FLG2: variants seen among roughly 807,000 people sequenced by gnomAD.
The protein encoded by FLG2 is filaggrin-2.
Under a neutral mutation model 3.9 loss-of-function variants are expected in FLG2, and 7 were observed. The ratio of observed to expected loss-of-function variants is 1.79; its 90% CI spans 1.02 to 3.36. The LOEUF (loss-of-function observed/expected upper bound fraction) is 3.36. FLG2 is among the 30% of genes most tolerant of loss of function. The probability of loss-of-function intolerance (pLI) is 0.00; values close to 1 mark genes in which losing one functional copy is unlikely to be tolerated. For missense variants in FLG2, 2,700 were observed against 2,809.4 expected (o/e 0.96, Z 0.88); for synonymous variants, 1,031 against 1,056.1 (o/e 0.98, Z 0.46).
Position 152,352,340 on chromosome 1 carries a change from A to G in FLG2, c.5446T>C (p.Ser1816Pro), listed in dbSNP as rs1420694699. The G allele has an allele frequency of 6.2e-7, 1 of 1,611,954 alleles. No individual in the cohort carries two copies. Among genetic ancestry groups the G allele is most frequent in the Non-Finnish European group, 8.5e-7 (1 of 1,179,598 alleles). Residue 1816 changes from serine (S) to proline (P), a missense_variant, in exon 3 of 3, where the codon TCA (serine) becomes CCA (proline). Transcript: ENST00000388718. Reference protein sequence around the residue: ...YSDSEGHSGFSQRPHSRGHTH... With the variant: ...YSDSEGHSGFPQRPHSRGHTH... ...TGTCCTCGTGAGTGTGGTCTTTGTG[A>G]GAACCCTGAGTGCCCTTCACTGTCA...
At position 152,354,936 on chromosome 1, in the gene FLG2, T is replaced by C. The variant is rs1238054485; in HGVS notation, c.2850A>G (p.Gln950=). 6 of 1,613,160 alleles carry C rather than the reference T, an allele frequency of 3.7e-6. No homozygotes were observed. The highest frequency in any genetic ancestry group is 4.2e-6 in the Non-Finnish European group (5 of 1,179,826). ...SSSGQTFGFG[Q]HRSGSGQSSG... The stretch of plus-strand genomic sequence containing the variant: ...AGGATTGACCTGAGCCTGACCTGTG[T>C]TGTCCAAATCCAAAAGTCTGTCCTG... Residue 950 remains glutamine, a synonymous_variant, in exon 3 of 3, where the codon CAA becomes CAG. Coordinates refer to ENST00000388718, the MANE Select transcript of FLG2 (RefSeq NM_001014342.3).
In FLG2 at chr1:152,353,902, T is replaced by G; in HGVS notation, c.3884A>C (p.Gln1295Pro). Residue 1295 changes from glutamine (Q) to proline (P), a missense_variant, in exon 3 of 3, where the codon CAA becomes CCA. Physicochemically the swap from Gln to Pro is moderately conservative, Grantham distance 76 (BLOSUM62 -1). Coordinates refer to ENST00000388718, the MANE Select transcript of FLG2 (RefSeq NM_001014342.3). ...SHRHSEHIHT[Q>P]AGSHYPKSGS... The stretch of plus-strand genomic sequence containing the variant: ...TGACTTTGGGTAGTGAGATCCAGCT[T>G]GTGTGTGAATGTGTTCTGAATGTCT... 1 of 1,614,176 alleles carries G rather than the reference T, an allele frequency of 6.2e-7. No individual in the cohort carries two copies.
intron 2 of FLG2, among the ~76,000 whole-genome samples, chr1:152,358,530 C>T (rs747962002): frequency 3.9e-5 from 6 of 152,114 alleles, no homozygotes; most frequent in Non-Finnish European, 2.9e-5. Flanking sequence ...GTCTGAGAGT[C>T]TATGAGGTAG....
In FLG2 at chr1:152,355,658, C is replaced by A; in HGVS notation, c.2128G>T (p.Gly710Trp). 1 of 1,613,724 alleles carries A rather than the reference C, an allele frequency of 6.2e-7. No individual in the cohort carries two copies. Among genetic ancestry groups the A allele is most frequent in the East Asian group, 2.2e-5 (1 of 44,842 alleles). The change falls in exon 3 of 3, where the codon GGG (glycine) becomes TGG (tryptophan). Residue 710 changes from glycine (G) to tryptophan (W), a missense_variant. Gly to Trp is a radical substitution (Grantham distance 184). Transcript: ENST00000388718. Reference protein sequence around the residue: ...SSQSSGYGQHGSSSGQTSGFG... With the variant: ...SSQSSGYGQHWSSSGQTSGFG... ...CCAGATGTCTGTCCTGAACTTGACCCATGTTGACCATAGCCAGATGATTGA... is the reference window on the plus strand; with the variant it reads ...CCAGATGTCTGTCCTGAACTTGACCAATGTTGACCATAGCCAGATGATTGA...
In FLG2 at chr1:152,357,134, C is replaced by G; in HGVS notation, c.652G>C (p.Glu218Gln). 6.2e-7 allele frequency: 1 copy of G among 1,614,160 alleles called. No homozygotes were observed. The highest frequency in any genetic ancestry group is 8.5e-7 in the Non-Finnish European group (1 of 1,180,016). ...INKSHISPSR[E>Q]SGEEYESGSG... ...CCAGATTCATACTCCTCCCCAGATT[C>G]CCTAGAAGGGCTAATGTGTGACTTG... The change falls in exon 3 of 3, where the codon GAA becomes CAA. Residue 218 changes from glutamate (E) to glutamine (Q), a missense_variant. Physicochemically the swap from Glu to Gln is conservative, Grantham distance 29. Coordinates refer to ENST00000388718, the MANE Select transcript of FLG2 (RefSeq NM_001014342.3).
chr1:152,352,570 C>T lies in FLG2; in HGVS notation c.5216G>A (p.Gly1739Glu), dbSNP rs1266734223. 1.2e-6 allele frequency: 2 copies of T among 1,613,584 alleles called. No homozygotes were observed. Among genetic ancestry groups the T allele is most frequent in the Non-Finnish European group, 1.7e-6 (2 of 1,179,916 alleles). Residue 1739 changes from glycine (G) to glutamate (E), a missense_variant, in exon 3 of 3, where the codon GGA becomes GAA. By Grantham distance (98) the Gly-to-Glu change is moderately conservative. Coordinates refer to ENST00000388718, the MANE Select transcript of FLG2 (RefSeq NM_001014342.3). ...GTGTCCTGAATGTGTATGTGAGACT[C>T]CTGAGTACCCTTCACTGTCACTGTA... ...SEYSDSEGYS[G>E]VSHTHSGHTH...
At position 152,357,316 on chromosome 1, in the gene FLG2, G is replaced by C. The variant is rs1654280823; in HGVS notation, c.470C>G (p.Ser157Cys). The stretch of plus-strand genomic sequence containing the variant: ...TTGTCTTCCTAGCCTCCTGGAGTTG[G>C]ACCCATGTCTACATTTCACAGTTCC... ...SRGTVKCRHG[S>C]NSRRLGRQGN... is the part of the protein sequence containing the mutation. Residue 157 changes from serine to cysteine, a missense_variant, in exon 3 of 3, where the codon TCC becomes TGC. Coordinates refer to ENST00000388718, the MANE Select transcript of FLG2 (RefSeq NM_001014342.3). 3 of 1,613,988 alleles carry C rather than the reference G, an allele frequency of 1.9e-6. No homozygotes were observed. Among genetic ancestry groups the C allele is most frequent in the African/African-American group, 1.3e-5 (1 of 74,898 alleles).
rs1654197369 is a variant in FLG2 at position 152,355,800 on chromosome 1, T to G, written c.1986A>C (p.Ser662=). 6.2e-7 allele frequency: 1 copy of G among 1,613,474 alleles called. No individual in the cohort carries two copies. Among genetic ancestry groups the G allele is most frequent in the Non-Finnish European group, 8.5e-7 (1 of 1,179,914 alleles). The change falls in exon 3 of 3, where the codon TCA becomes TCC. Residue 662 remains serine, a synonymous_variant. Transcript: ENST00000388718. ...STGFGQYGSG[S]GQSSGFGQHV... The stretch of plus-strand genomic sequence containing the variant: ...GTTGTCCAAAGCCAGAGGACTGACC[T>G]GAGCCTGATCCATATTGGCCAAAGC...
In FLG2 at chr1:152,356,482, C is replaced by A. The variant is rs188678055; in HGVS notation, c.1304G>T (p.Gly435Val). Residue 435 changes from glycine (G) to valine (V), a missense_variant, in exon 3 of 3, where the codon GGC (glycine) becomes GTC (valine). By Grantham distance (109) the Gly-to-Val change is moderately radical. Coordinates refer to ENST00000388718, the MANE Select transcript of FLG2 (RefSeq NM_001014342.3). ...TTCGAACCCAGAGGACTGACTCAAG[C>A]CTGTTCCATGTTGTTCAAAGCTAGT... ...QSTSFEQHGT[G>V]LSQSSGFEQH... 4 of 1,614,264 alleles carry A rather than the reference C, an allele frequency of 2.5e-6. No homozygotes were observed. Among genetic ancestry groups the A allele is most frequent in the East Asian group, 4.5e-5 (2 of 44,890 alleles).
At position 152,351,621 on chromosome 1, in the gene FLG2, T is replaced by A. The variant is rs1407477891; in HGVS notation, c.6165A>T (p.Gly2055=). ...THSGHAHGQA[G]SQHGESGSSV... is the part of the protein sequence containing the mutation. ...AGGATCCTGACTCTCCATGTTGAGA[T>A]CCGGCTTGGCCATGAGCGTGTCCTG... Residue 2055 remains glycine (G), a synonymous_variant, in exon 3 of 3, where the codon GGA becomes GGT. Transcript: ENST00000388718. 1 of 1,610,852 alleles carries A rather than the reference T, an allele frequency of 6.2e-7. No homozygotes were observed. Among genetic ancestry groups the A allele is most frequent in the Admixed American group, 1.7e-5 (1 of 59,572 alleles).
intron 2 of FLG2, 30 bp from the exon 3 acceptor site, chr1:152,357,677 CT>C: frequency 6.6e-7 from 1 of 1,526,404 alleles, no homozygotes; most frequent in Non-Finnish European, 9.0e-7. Context: ...CAAGGGAGAC[CT>C]GGTCAGCCTA....
chr1:152,357,361 T>C lies in FLG2; in HGVS notation c.425A>G (p.Tyr142Cys), dbSNP rs1239778233. The change falls in exon 3 of 3, where the codon TAT becomes TGT. Residue 142 changes from tyrosine to cysteine, a missense_variant. Physicochemically the swap from Tyr to Cys is radical, Grantham distance 194. Coordinates refer to ENST00000388718, the MANE Select transcript of FLG2 (RefSeq NM_001014342.3). ...SSWSEGEEHG[Y>C]SSGHSRGTVK... Reference sequence around the variant, plus strand: ...AGTTCCCCTTGAGTGCCCAGAACTATATCCATGCTCCTCTCCCTCACTCCA... The same window carrying C: ...AGTTCCCCTTGAGTGCCCAGAACTACATCCATGCTCCTCTCCCTCACTCCA... 2.5e-6 allele frequency: 4 copies of C among 1,614,082 alleles called. No homozygotes were observed. Among genetic ancestry groups the C allele is most frequent in the African/African-American group, 2.7e-5 (2 of 74,928 alleles).
chr1:152,355,145 A>G lies in FLG2; in HGVS notation c.2641T>C (p.Tyr881His), dbSNP rs749448210. ...FGQHRSSSGQYSGFGQHGSGS... is the reference protein window; with the variant it reads ...FGQHRSSSGQHSGFGQHGSGS... ...GATCCATGTTGTCCAAAGCCAGAGT[A>G]TTGACCTGAGCTTGACCTGTGTTGT... The change falls in exon 3 of 3, where the codon TAC (tyrosine) becomes CAC (histidine). Residue 881 changes from tyrosine to histidine, a missense_variant. Tyr to His is a moderately conservative substitution (Grantham distance 83, BLOSUM62 2). Coordinates refer to ENST00000388718, the MANE Select transcript of FLG2 (RefSeq NM_001014342.3). 6.6e-5 allele frequency: 102 copies of G among 1,554,378 alleles called. 25 individuals carry two copies. The South Asian group carries it at 1.2e-3, about 18-fold the overall frequency.
chr1:152,356,307 T>A lies in FLG2; in HGVS notation c.1479A>T (p.Gly493=), dbSNP rs1654229750. The A allele has an allele frequency of 1.9e-6, 3 of 1,613,354 alleles. No homozygotes were observed. In the African/African-American group the frequency reaches 4.0e-5, roughly 22 times the overall value. ...ACTGACCTGAGCCTGACCCACATTG[T>A]CCAAAGCCAGAGGACTGACCTGAGC... ...GSGSGQSSGF[G]QCGSGSGQSS... The change falls in exon 3 of 3, where the codon GGA becomes GGT. Residue 493 remains glycine (G), a synonymous_variant. Coordinates refer to ENST00000388718, the MANE Select transcript of FLG2 (RefSeq NM_001014342.3).
In FLG2 at chr1:152,356,725, C is replaced by T. The variant is rs778614508; in HGVS notation, c.1061G>A (p.Gly354Glu). 25 of 1,614,082 alleles carry T rather than the reference C, an allele frequency of 1.5e-5. No homozygotes were observed. The highest frequency in any genetic ancestry group is 2.1e-5 in the Non-Finnish European group (25 of 1,180,040). The part of the protein sequence containing the change: ...NPCSQSYSQR[G>E]YGARENGQPQ... ...TTGACCATTTTCTCTAGCTCCATATCCTCTCTGACTATAGGACTGACTACA... is the reference window on the plus strand; with the variant it reads ...TTGACCATTTTCTCTAGCTCCATATTCTCTCTGACTATAGGACTGACTACA... The change falls in exon 3 of 3, where the codon GGA (glycine) becomes GAA (glutamate). Residue 354 changes from glycine to glutamate, a missense_variant. Transcript: ENST00000388718.
chr1:152,358,417 T>C (rs1654328810), intron 2 of FLG2, among the ~76,000 whole-genome samples: 1 of 152,168 alleles, frequency 6.6e-6, no homozygotes, highest in Non-Finnish European at 1.5e-5. Context: ...TGATTTCCCT[T>C]TCTATACTTT....
intron 2 of FLG2, among the ~76,000 whole-genome samples, chr1:152,358,313 G>A (rs774657708): frequency 1.2e-4 from 18 of 152,092 alleles, no homozygotes; most frequent in African/African-American, 1.7e-4. Flanking sequence ...GAGCCACCGC[G>A]CCTAGCTGAG....
rs759702788 is a variant in FLG2 at position 152,355,155 on chromosome 1, G to A, written c.2631C>T (p.Ser877=). 3 of 1,554,456 alleles carry A rather than the reference G, an allele frequency of 1.9e-6. No individual in the cohort carries two copies. Among genetic ancestry groups the A allele is most frequent in the African/African-American group, 2.7e-5 (2 of 74,130 alleles). The part of the protein sequence containing the change: ...QTSGFGQHRS[S]SGQYSGFGQH... Reference sequence around the variant, plus strand: ...GTCCAAAGCCAGAGTATTGACCTGAGCTTGACCTGTGTTGTCCAAAGCCAG... The same window carrying A: ...GTCCAAAGCCAGAGTATTGACCTGAACTTGACCTGTGTTGTCCAAAGCCAG... Residue 877 remains serine, a synonymous_variant, in exon 3 of 3, where the codon AGC becomes AGT. Transcript: ENST00000388718.
In FLG2 at chr1:152,357,335, C is replaced by T. The variant is rs376841916; in HGVS notation, c.451G>A (p.Val151Met). The change falls in exon 3 of 3, where the codon GTG becomes ATG. Residue 151 changes from valine to methionine, a missense_variant. Transcript: ENST00000388718. ...GAGTTGGACCCATGTCTACATTTCA[C>T]AGTTCCCCTTGAGTGCCCAGAACTA... ...GYSSGHSRGT[V>M]KCRHGSNSRR... The T allele has an allele frequency of 1.9e-6, 3 of 1,614,208 alleles. No homozygotes were observed. The African/African-American group carries it at 4.0e-5, about 22-fold the overall frequency.
Sources: gnomAD v4.1 joint callset for allele counts (sites outside exome capture counted in the v4.1 genomes callset) on GRCh38, gnomAD v4.1.1 for gene constraint, MANE v1.5 for transcripts, NCBI Gene and HGNC (gene_info 2026-07-23, HGNC 2026-07-21) for gene names.